KCNH8: variants seen among roughly 807,000 people sequenced by gnomAD.
The protein encoded by KCNH8 is potassium voltage-gated channel subfamily H member 8.
A neutral mutation model predicts 103.6 loss-of-function variants in KCNH8; 70 were observed. The observed-to-expected ratio is 0.68, with a 90% CI of 0.56 to 0.82. The LOEUF is 0.82. Ranked by LOEUF, KCNH8 falls within the 40% of genes least tolerant of loss-of-function variation. KCNH8 has a pLI of 0.00. For synonymous variants in KCNH8, 498 were observed against 489.4 expected (o/e 1.02, Z -0.23); for missense variants, 1,217 against 1,329.9 (o/e 0.92, Z 1.32).
At chr3:19,283,941 CAA>C (rs549944584) in intron 3 of KCNH8, among the ~76,000 whole-genome samples, 5 of 78,932 alleles carry the variant, frequency 6.3e-5, no homozygotes, top group Non-Finnish European at 1.1e-4. Context: ...GACCCTGTCT[CAA>C]AAAAAAAAAA....
chr3:19,424,983 T>TACACACACACACAC (rs552536520), intron 7 of KCNH8, among the ~76,000 whole-genome samples: 1 of 151,444 alleles, frequency 6.6e-6, no homozygotes, highest in African/African-American at 2.4e-5. Context: ...GTTTCCCTGT[T>TACACACACACACAC]ACACACACAC....
At chr3:19,497,890 T>C (rs1442817922) in intron 11 of KCNH8, among the ~76,000 whole-genome samples, 1 of 152,144 alleles carries the variant, frequency 6.6e-6, no homozygotes, top group African/African-American at 2.4e-5. Flanking sequence ...TGTGTAGGTC[T>C]CCAAAAACTT....
chr3:19,234,102 C>A lies in KCNH8; in HGVS notation c.77-19552C>A, dbSNP rs539374386. Among the ~76,000 whole-genome samples the A allele has an allele frequency of 2.9e-3, 442 of 152,322 alleles. 3 individuals carry two copies. The highest frequency in any genetic ancestry group is 0.01 in the African/African-American group (424 of 41,578). ...CTTATCTGGCCCCACTCACATCCTG[C>A]TGATTGGTAGGGCCCAGTGGTCTGT... On this transcript the variant is annotated intron_variant, in intron 1 of 15. Coordinates refer to ENST00000328405, the MANE Select transcript of KCNH8 (RefSeq NM_144633.3).
At chr3:19,284,132 A>G (rs2064795428) in intron 3 of KCNH8, among the ~76,000 whole-genome samples, 1 of 152,012 alleles carries the variant, frequency 6.6e-6, no homozygotes, top group Non-Finnish European at 1.5e-5. Flanking sequence ...TAGCAGTATT[A>G]TGTCATAACA....
chr3:19,290,703 A>C (rs1195183003), intron 3 of KCNH8, among the ~76,000 whole-genome samples: 1 of 152,128 alleles, frequency 6.6e-6, no homozygotes, highest in Non-Finnish European at 1.5e-5. Context: ...TTGGTCTAAA[A>C]TTCTCTTTTT....
At chr3:19,376,826 A>G (rs2066214873) in intron 5 of KCNH8, among the ~76,000 whole-genome samples, 2 of 152,236 alleles carry the variant, frequency 1.3e-5, no homozygotes, top group Admixed American at 6.5e-5. Context: ...TTGGGATACT[A>G]AACAAGAAGC....
At chr3:19,525,894 AG>A (rs1159994998) in intron 15 of KCNH8, among the ~76,000 whole-genome samples, 1 of 151,906 alleles carries the variant, frequency 6.6e-6, no homozygotes, top group Non-Finnish European at 1.5e-5. Flanking sequence ...GCAAGTGCTG[AG>A]TATGATTATT....
At chr3:19,200,311 A>G (rs918770396) in intron 1 of KCNH8, among the ~76,000 whole-genome samples, 5 of 152,064 alleles carry the variant, frequency 3.3e-5, no homozygotes, top group Admixed American at 3.3e-4. Context: ...AATAACTGGT[A>G]GTTTATTTGT....
intron 10 of KCNH8, among the ~76,000 whole-genome samples, chr3:19,454,158 G>C (rs1181443142): frequency 7.5e-6 from 1 of 133,560 alleles, no homozygotes; most frequent in Non-Finnish European, 1.6e-5. Context: ...GTGTGTGTGT[G>C]TGTGTGTGTG....
intron 1 of KCNH8, among the ~76,000 whole-genome samples, chr3:19,175,991 T>C (rs1380776859): frequency 1.3e-5 from 2 of 152,212 alleles, no homozygotes; most frequent in Non-Finnish European, 2.9e-5. Context: ...TCAATTTAGC[T>C]ACGTTAGCTT....
chr3:19,192,098 T>C (rs2063558638), intron 1 of KCNH8, among the ~76,000 whole-genome samples: 3 of 151,670 alleles, frequency 2.0e-5, no homozygotes, highest in Admixed American at 2.0e-4. Context: ...GATAATTCCT[T>C]TTTGTTTGAC....
intron 7 of KCNH8, among the ~76,000 whole-genome samples, chr3:19,420,060 A>G (rs1405241331): frequency 2.0e-5 from 3 of 152,140 alleles, no homozygotes; most frequent in African/African-American, 4.8e-5. Flanking sequence ...TTTATGAGAT[A>G]CTTAAATTTT....
intron 3 of KCNH8, among the ~76,000 whole-genome samples, chr3:19,318,771 C>T (rs931630854): frequency 3.3e-5 from 5 of 151,588 alleles, no homozygotes; most frequent in Non-Finnish European, 7.4e-5. Context: ...TTCTCACCAA[C>T]AGTGTAAAGG....
intron 13 of KCNH8, among the ~76,000 whole-genome samples, chr3:19,514,476 A>C (rs187934736): frequency 6.6e-6 from 1 of 152,066 alleles, no homozygotes; most frequent in East Asian, 1.9e-4. Context: ...ACATAATCTT[A>C]CATTTATAAA....
Position 19,360,737 on chromosome 3 carries a change from G to T in KCNH8, c.811+12772G>T, listed in dbSNP as rs1381299884. Among the ~76,000 whole-genome samples the T allele has an allele frequency of 3.3e-5, 5 of 151,808 alleles. No individual in the cohort carries two copies. The East Asian group carries it at 7.7e-4, about 23-fold the overall frequency. On this transcript the variant is annotated intron_variant, in intron 5 of 15. Transcript: ENST00000328405. The stretch of plus-strand genomic sequence containing the variant: ...CTGTAATATCAGAGACAACATAAAA[G>T]AAATCATTTATAATAATTTCTTGTG...
At chr3:19,221,939 C>T (rs2063880138) in intron 1 of KCNH8, among the ~76,000 whole-genome samples, 1 of 152,068 alleles carries the variant, frequency 6.6e-6, no homozygotes, top group Admixed American at 6.5e-5. Flanking sequence ...CCTCTGCCTC[C>T]CAGGTTCAAG....
chr3:19,489,887 C>T (rs2068282519), intron 11 of KCNH8, among the ~76,000 whole-genome samples: 1 of 152,186 alleles, frequency 6.6e-6, no homozygotes, highest in South Asian at 2.1e-4. Context: ...ACCAAAGTGC[C>T]AGTACAGGCA....
chr3:19,515,435 T>G lies in KCNH8; in HGVS notation c.2542+7T>G. The G allele has an allele frequency of 7.1e-7, 1 of 1,414,520 alleles. No homozygotes were observed. Among genetic ancestry groups the G allele is most frequent in the Non-Finnish European group, 9.6e-7 (1 of 1,041,784 alleles). The allele number at this position is 1,414,520 out of a possible 1,614,324, so 87.6% of individuals were successfully genotyped here. A position where few individuals can be genotyped will look rare whatever the true frequency, so the allele number is the denominator to read the frequency against. On this transcript the variant is annotated splice_region_variant and intron_variant, in intron 14 of 15. Coordinates refer to ENST00000328405, the MANE Select transcript of KCNH8 (RefSeq NM_144633.3). ...ATTTCTCCTCCTCTTGGAGGTAAGATCTATATTTAGTCTTCTCCTAAGGTA... is the reference window on the plus strand; with the variant it reads ...ATTTCTCCTCCTCTTGGAGGTAAGAGCTATATTTAGTCTTCTCCTAAGGTA...
At chr3:19,359,675 A>T (rs2065923988) in intron 5 of KCNH8, among the ~76,000 whole-genome samples, 1 of 152,008 alleles carries the variant, frequency 6.6e-6, no homozygotes, top group Non-Finnish European at 1.5e-5. Context: ...GACAATCAAA[A>T]TTGCCTCTAG....
Sources: gnomAD v4.1 joint callset for allele counts (sites outside exome capture counted in the v4.1 genomes callset) on GRCh38, gnomAD v4.1.1 for gene constraint, MANE v1.5 for transcripts, NCBI Gene and HGNC (gene_info 2026-07-23, HGNC 2026-07-21) for gene names.